Variants in DLGAP2 observed in about 807,000 individuals in gnomAD.
DLGAP2 encodes DLG associated protein 2, also known as disks large-associated protein 2.
In DLGAP2, 26 loss-of-function variants were observed where a neutral mutation model predicts 100.3. The observed-to-expected ratio is 0.26, with a 90% CI of 0.19 to 0.36. DLGAP2 has a LOEUF of 0.36. Ranked by LOEUF, DLGAP2 falls within the 10% of genes least tolerant of loss-of-function variation. DLGAP2 has a pLI of 1.00. For synonymous variants in DLGAP2, 886 were observed against 630.1 expected (o/e 1.41, Z -6.08); for missense variants, 1,858 against 1,453.2 (o/e 1.28, Z -4.53).
At chr8:1,614,016 G>A (rs1177619010) in intron 6 of DLGAP2, among the ~76,000 whole-genome samples, 2 of 152,294 alleles carry the variant, frequency 1.3e-5, no homozygotes, top group Admixed American at 6.5e-5. Flanking sequence ...TCTCAGACTC[G>A]GCGGGGTTTT....
intron 6 of DLGAP2, among the ~76,000 whole-genome samples, chr8:1,572,162 G>A (rs1802737190): frequency 4.1e-5 from 5 of 123,036 alleles, no homozygotes; most frequent in African/African-American, 6.4e-5. Flanking sequence ...GAGAGAGGGT[G>A]AACTGTGGGG....
intron 2 of DLGAP2, among the ~76,000 whole-genome samples, chr8:1,109,120 C>T (rs1319223774): frequency 8.0e-6 from 1 of 125,290 alleles, no homozygotes; most frequent in African/African-American, 3.0e-5. Context: ...GTGAGGTGTG[C>T]ACGTGCCTAT....
At chr8:1,044,544 G>T (rs1802464450) in intron 2 of DLGAP2, among the ~76,000 whole-genome samples, 1 of 152,208 alleles carries the variant, frequency 6.6e-6, no homozygotes, top group African/African-American at 2.4e-5. Context: ...GATCAGGAGT[G>T]TCAAAGTGTG....
intron 1 of DLGAP2, among the ~76,000 whole-genome samples, chr8:882,689 C>G (rs1322971404): frequency 7.9e-6 from 1 of 126,020 alleles, no homozygotes; most frequent in Non-Finnish European, 1.7e-5. Flanking sequence ...GCACCCTCGC[C>G]TGATCCAGCG....
At chr8:1,374,059 G>C (rs1242925647) in intron 3 of DLGAP2, among the ~76,000 whole-genome samples, 2 of 151,782 alleles carry the variant, frequency 1.3e-5, no homozygotes, top group Non-Finnish European at 2.9e-5. Context: ...GGTTAGGTTA[G>C]GTTTGCAGAC....
intron 1 of DLGAP2, among the ~76,000 whole-genome samples, chr8:848,084 C>T (rs1224969435): frequency 6.6e-6 from 1 of 152,186 alleles, no homozygotes; most frequent in East Asian, 1.9e-4. Flanking sequence ...CCACAGGCAC[C>T]TGCCTGCCTG....
intron 2 of DLGAP2, among the ~76,000 whole-genome samples, chr8:1,123,649 G>T (rs1176207734): frequency 6.6e-6 from 1 of 151,570 alleles, no homozygotes; most frequent in Non-Finnish European, 1.5e-5. Flanking sequence ...GGGAAAAAAA[G>T]AAATAGTTCT....
chr8:1,672,281 C>T (rs1478832137), intron 10 of DLGAP2, among the ~76,000 whole-genome samples: 2 of 146,770 alleles, frequency 1.4e-5, no homozygotes, highest in Admixed American at 6.8e-5. Context: ...GGCTGAAGTG[C>T]GTGGCACGAT....
intron 2 of DLGAP2, among the ~76,000 whole-genome samples, chr8:1,111,276 C>T (rs999753806): frequency 3.9e-5 from 6 of 152,314 alleles, no homozygotes; most frequent in Admixed American, 3.9e-4. Flanking sequence ...ATCGTCTTCC[C>T]TCAGCTCCCG....
chr8:1,517,509 C>T (rs1478954140), intron 4 of DLGAP2, among the ~76,000 whole-genome samples: 1 of 152,176 alleles, frequency 6.6e-6, no homozygotes, highest in East Asian at 1.9e-4. Flanking sequence ...CCGAGCTGTG[C>T]ATCCTCAGGG....
At chr8:1,413,644 G>C (rs1047877479) in intron 3 of DLGAP2, among the ~76,000 whole-genome samples, 33 of 152,356 alleles carry the variant, frequency 2.2e-4, no homozygotes, top group African/African-American at 7.0e-4. Context: ...GAAAGGGAAT[G>C]AAAATCTCAG....
At chr8:1,273,634 CA>C (rs1419151857) in intron 3 of DLGAP2, among the ~76,000 whole-genome samples, 1 of 152,196 alleles carries the variant, frequency 6.6e-6, no homozygotes, top group African/African-American at 2.4e-5. Context: ...TGGCTCTGCA[CA>C]AGCCCTTGGA....
intron 3 of DLGAP2, among the ~76,000 whole-genome samples, chr8:1,366,484 C>A: frequency 6.6e-6 from 1 of 152,172 alleles, no homozygotes; most frequent in East Asian, 1.9e-4. Context: ...GCCCAGGAGG[C>A]CTTCCTGGAG....
chr8:994,315 C>T (rs1800724096), intron 2 of DLGAP2, among the ~76,000 whole-genome samples: 2 of 152,170 alleles, frequency 1.3e-5, no homozygotes, highest in African/African-American at 4.8e-5. Context: ...ATTCTCCTGC[C>T]TTAGCCTCCC....
intron 3 of DLGAP2, among the ~76,000 whole-genome samples, chr8:1,295,408 T>C (rs1274227211): frequency 6.6e-6 from 1 of 152,156 alleles, no homozygotes; most frequent in Non-Finnish European, 1.5e-5. Flanking sequence ...GAGTTCTCCC[T>C]GGGAAGCTTC....
chr8:1,485,379 G>C (rs1201223029), intron 3 of DLGAP2, among the ~76,000 whole-genome samples: 5 of 152,208 alleles, frequency 3.3e-5, no homozygotes, highest in Non-Finnish European at 7.3e-5. Flanking sequence ...GTTTTTAAGA[G>C]CGTTCATGCA....
intron 2 of DLGAP2, among the ~76,000 whole-genome samples, chr8:1,060,591 A>G (rs1022641742): frequency 5.3e-5 from 8 of 152,158 alleles, no homozygotes; most frequent in Non-Finnish European, 1.5e-5. Context: ...CCTCACCTCA[A>G]GGTCCTTAAT....
intron 2 of DLGAP2, among the ~76,000 whole-genome samples, chr8:944,734 A>G (rs1268994246): frequency 6.6e-6 from 1 of 151,306 alleles, no homozygotes; most frequent in East Asian, 1.9e-4. Flanking sequence ...GTGGCAGCCA[A>G]TCCCTGCAGG....
intron 2 of DLGAP2, among the ~76,000 whole-genome samples, chr8:1,163,874 C>T (rs890782941): frequency 1.3e-5 from 2 of 152,188 alleles, no homozygotes; most frequent in South Asian, 2.1e-4. Context: ...GCCGACACGT[C>T]CTTGCTGTTG....
Sources: gnomAD v4.1 joint callset for allele counts (sites outside exome capture counted in the v4.1 genomes callset) on GRCh38, gnomAD v4.1.1 for gene constraint, MANE v1.5 for transcripts, NCBI Gene and HGNC (gene_info 2026-07-23, HGNC 2026-07-21) for gene names.